ZNF578: variants seen among roughly 807,000 people sequenced by gnomAD.
ZNF578 encodes the protein zinc finger protein 578, also known as Putative chemokine-related protein B42.
A neutral mutation model predicts 8.3 loss-of-function variants in ZNF578; 8 were observed. That is an observed-to-expected ratio of 0.96 (90% confidence interval 0.56 to 1.74). The LOEUF (loss-of-function observed/expected upper bound fraction) is 1.74, where lower values mean the gene tolerates loss of function less well. ZNF578 is among the 40% of genes most tolerant of loss of function. The pLI, the probability that ZNF578 is intolerant of heterozygous loss-of-function variation, is 0.00. For synonymous variants in ZNF578, 206 were observed against 232.2 expected (o/e 0.89, Z 1.03); for missense variants, 726 against 707.5 (o/e 1.03, Z -0.30).
intron 5 of ZNF578, among the ~76,000 whole-genome samples, chr19:52,505,454 G>A (rs191596949): frequency 2.6e-5 from 4 of 151,732 alleles, no homozygotes; most frequent in East Asian, 3.9e-4. Flanking sequence ...AGACAGTCTC[G>A]CTCTTTCACC....
intron 2 of ZNF578, among the ~76,000 whole-genome samples, chr19:52,473,080 G>A (rs1471097626): frequency 2.0e-5 from 3 of 152,140 alleles, no homozygotes. Flanking sequence ...TATCTGTGAG[G>A]TATTTTCAAA....
chr19:52,498,973 A>T (rs761876016), intron 3 of ZNF578, among the ~76,000 whole-genome samples: 2 of 151,966 alleles, frequency 1.3e-5, no homozygotes, highest in Admixed American at 6.6e-5. Context: ...GTGGGTCACC[A>T]TTCCTGGCTG....
rs1164629700 is a variant in ZNF578 at position 52,459,769 on chromosome 19, ATTT to A, written c.-122+2833_-122+2835del. Among the ~76,000 whole-genome samples the A allele has an allele frequency of 4.5e-4, 8 of 17,616 alleles. 1 individual carries two copies. The highest frequency in any genetic ancestry group is 3.6e-3 in the Admixed American group (2 of 552). 11.6% of individuals were successfully genotyped at this position (17,616 alleles called of 152,430 possible). A position where few individuals can be genotyped will look rare whatever the true frequency, so the allele number is the denominator to read the frequency against. ...TGTGTGTGTATATATATATATATAT[ATTT>A]TTTTTTTTTTTTTTTTTTTTTGAGA... is the stretch of plus-strand genomic sequence containing the variant. On this transcript the variant is annotated intron_variant, in intron 2 of 5. Transcript: ENST00000421239.
At chr19:52,460,557 T>TA (rs1416915920) in intron 2 of ZNF578, among the ~76,000 whole-genome samples, 2 of 152,330 alleles carry the variant, frequency 1.3e-5, no homozygotes, top group Admixed American at 1.3e-4. Context: ...GCCTATCAGA[T>TA]ATGTGATTTG....
intron 2 of ZNF578, among the ~76,000 whole-genome samples, chr19:52,485,478 GTCC>G (rs1391655685): frequency 1.3e-5 from 2 of 152,214 alleles, no homozygotes; most frequent in Admixed American, 6.5e-5. Context: ...GAAGCTCTGT[GTCC>G]TCCATTTCTG....
chr19:52,508,128 C>G lies in ZNF578; in HGVS notation c.191-2444C>G, dbSNP rs536567534. Among the ~76,000 whole-genome samples the G allele has an allele frequency of 9.2e-5, 14 of 151,986 alleles. No individual in the cohort carries two copies. The East Asian group carries it at 2.7e-3, about 30-fold the overall frequency. ...TTGGGAGGCCGCGCAGTGCAGATCA[C>G]GAAGTCAAAAGATCGAGACCATCCT... On this transcript the variant is annotated intron_variant, in intron 5 of 5. Coordinates refer to ENST00000421239, the MANE Select transcript of ZNF578 (RefSeq NM_001099694.2).
At chr19:52,489,994 A>G (rs1286775100) in intron 2 of ZNF578, among the ~76,000 whole-genome samples, 1 of 152,230 alleles carries the variant, frequency 6.6e-6, no homozygotes, top group Non-Finnish European at 1.5e-5. Context: ...CATCTGCAGA[A>G]ACATCCTATT....
At chr19:52,503,579 C>T (rs1031291344) in intron 4 of ZNF578, among the ~76,000 whole-genome samples, 3 of 152,108 alleles carry the variant, frequency 2.0e-5, no homozygotes, top group South Asian at 2.1e-4. Flanking sequence ...TTCCTGACCT[C>T]GTGATCCACT....
At position 52,506,921 on chromosome 19, in the gene ZNF578, C is replaced by T. The variant is rs144840660; in HGVS notation, c.190+2140C>T. 7.7e-3 allele frequency among the ~76,000 whole-genome samples: 1,166 copies of T among 152,238 alleles called. 22 individuals carry two copies. Among genetic ancestry groups the T allele is most frequent in the African/African-American group, 0.027 (1,110 of 41,536 alleles). On this transcript the variant is annotated intron_variant, in intron 5 of 5. Coordinates refer to ENST00000421239, the MANE Select transcript of ZNF578 (RefSeq NM_001099694.2). ...TTGGTGATGTTGATGATGAGATGCCCCTTTTCCTATCTCACTCATTTCATC... is the reference window on the plus strand; with the variant it reads ...TTGGTGATGTTGATGATGAGATGCCTCTTTTCCTATCTCACTCATTTCATC...
intron 2 of ZNF578, among the ~76,000 whole-genome samples, chr19:52,484,465 A>G (rs1368205682): frequency 6.6e-6 from 1 of 152,070 alleles, no homozygotes; most frequent in East Asian, 1.9e-4. Flanking sequence ...AGAATATCAC[A>G]TGGGGGAGAA....
chr19:52,498,188 G>T (rs982178195), intron 3 of ZNF578, among the ~76,000 whole-genome samples: 5 of 151,842 alleles, frequency 3.3e-5, no homozygotes, highest in Non-Finnish European at 7.4e-5. Context: ...ATGGAGTCTC[G>T]CTCTGTCGCC....
intron 2 of ZNF578, among the ~76,000 whole-genome samples, chr19:52,470,284 C>T (rs2122794707): frequency 6.6e-6 from 1 of 152,302 alleles, no homozygotes; most frequent in East Asian, 1.9e-4. Context: ...GCCTCTAGAC[C>T]TGTAACTAGA....
At chr19:52,493,848 G>A (rs1431834690) in intron 3 of ZNF578, among the ~76,000 whole-genome samples, 1 of 151,946 alleles carries the variant, frequency 6.6e-6, no homozygotes, top group Non-Finnish European at 1.5e-5. Context: ...AAATTAGCCG[G>A]GCGCGGTTGC....
intron 2 of ZNF578, among the ~76,000 whole-genome samples, chr19:52,487,804 A>AT (rs376482068): frequency 5.3e-4 from 80 of 151,306 alleles, no homozygotes; most frequent in African/African-American, 1.7e-3. Context: ...TAGTTTTCGT[A>AT]TTTTTTTCTT....
chr19:52,455,910 A>G (rs912818864), intron 1 of ZNF578: 2 of 152,242 alleles, frequency 1.3e-5, no homozygotes, highest in Non-Finnish European at 2.9e-5. Context: ...CCTCCACCCT[A>G]TCTGATCTGC....
At chr19:52,478,232 A>T (rs530125200) in intron 2 of ZNF578, among the ~76,000 whole-genome samples, 1 of 152,228 alleles carries the variant, frequency 6.6e-6, no homozygotes, top group African/African-American at 2.4e-5. Context: ...GATTCTAGCA[A>T]TCCTAAAGTG....
At chr19:52,461,231 A>G (rs1343251835) in intron 2 of ZNF578, among the ~76,000 whole-genome samples, 1 of 152,206 alleles carries the variant, frequency 6.6e-6, no homozygotes, top group Non-Finnish European at 1.5e-5. Flanking sequence ...AATGATGTTC[A>G]GTAGCATTAT....
At chr19:52,462,886 C>A (rs1023205041) in intron 2 of ZNF578, among the ~76,000 whole-genome samples, 1 of 152,170 alleles carries the variant, frequency 6.6e-6, no homozygotes, top group African/African-American at 2.4e-5. Flanking sequence ...TTATAACTCT[C>A]CCTCTTTCCC....
chr19:52,482,261 C>T (rs1485374324), intron 2 of ZNF578, among the ~76,000 whole-genome samples: 1 of 152,152 alleles, frequency 6.6e-6, no homozygotes, highest in Non-Finnish European at 1.5e-5. Flanking sequence ...CTCTAATTCC[C>T]GACCTCAGGT....
Sources: gnomAD v4.1 joint callset for allele counts (sites outside exome capture counted in the v4.1 genomes callset) on GRCh38, gnomAD v4.1.1 for gene constraint, MANE v1.5 for transcripts, NCBI Gene and HGNC (gene_info 2026-07-23, HGNC 2026-07-21) for gene names.